SH3D21: variants seen among roughly 807,000 people sequenced by gnomAD.
SH3D21 encodes the protein manchette microtubule inner protein 1.
A neutral mutation model predicts 82.1 loss-of-function variants in SH3D21; 83 were observed. That is an observed-to-expected ratio of 1.01 (90% CI 0.85 to 1.21). SH3D21 has a LOEUF of 1.21. Ranked by LOEUF, SH3D21 falls within the 50% of genes most tolerant of loss-of-function variation. SH3D21 has a pLI of 0.00. For missense variants in SH3D21, 980 were observed against 962.1 expected (o/e 1.02, Z -0.25); for synonymous variants, 383 against 387.8 (o/e 0.99, Z 0.15).
Position 36,320,535 on chromosome 1 carries a change from C to G in SH3D21, c.1872C>G (p.Ser624=), listed in dbSNP as rs758678547. The G allele has an allele frequency of 6.2e-7, 1 of 1,614,112 alleles. No homozygotes were observed. The highest frequency in any genetic ancestry group is 1.3e-5 in the African/African-American group (1 of 75,022). Residue 624 remains serine, a synonymous_variant, in exon 14 of 16, where the codon TCC becomes TCG. Transcript: ENST00000453908. ...TGCTCCCCAAAGAGGGAGTGGCTTCCAAAGAGGAGGTGACCCTGAAAGAGG... is the reference window on the plus strand; with the variant it reads ...TGCTCCCCAAAGAGGGAGTGGCTTCGAAAGAGGAGGTGACCCTGAAAGAGG... ...EEVLPKEGVA[S]KEEVTLKEEL...
Position 36,307,890 on chromosome 1 carries a change from A to G in SH3D21, c.493-28A>G, listed in dbSNP as rs1353253549. Reference sequence around the variant, plus strand: ...TCTTGGGGTGGTTGGAGGCTCATCTAGTTCCTCCCTGCCCCTTCCCCCACT... The same window carrying G: ...TCTTGGGGTGGTTGGAGGCTCATCTGGTTCCTCCCTGCCCCTTCCCCCACT... On this transcript the variant is annotated intron_variant, in intron 6 of 15. Coordinates refer to ENST00000453908, the MANE Select transcript of SH3D21 (RefSeq NM_001162530.2). This position sits in a 1 kb window ranked among gnomAD's most constrained non-coding sequence, Gnocchi z 5.4. 1.3e-6 allele frequency: 2 copies of G among 1,551,600 alleles called. No individual in the cohort carries two copies. The highest frequency in any genetic ancestry group is 1.2e-5 in the South Asian group (1 of 84,054).
intron 10 of SH3D21, among the ~76,000 whole-genome samples, chr1:36,313,481 CAG>C (rs1349214938): frequency 2.6e-5 from 4 of 151,912 alleles, no homozygotes; most frequent in Admixed American, 6.6e-5. Context: ...AAAGAAAAGT[CAG>C]GGTAAAATTC....
At chr1:36,323,560 G>C (rs2124707481), downstream of SH3D21, 1 of 152,240 alleles carries the variant, frequency 6.6e-6, no homozygotes, top group East Asian at 1.9e-4. Flanking sequence ...CGCCCCTCCG[G>C]CCCCGCTGGG....
intron 9 of SH3D21, 39 bp downstream of exon 9, chr1:36,308,514 G>T (rs1271568242): frequency 5.2e-6 from 8 of 1,532,780 alleles, no homozygotes; most frequent in South Asian, 4.8e-5. Flanking sequence ...GCAGGGGCAG[G>T]CTATTTTGGA....
At chr1:36,322,812 G>T (rs1283282034), downstream of SH3D21, 9 of 1,490,996 alleles carry the variant, frequency 6.0e-6, no homozygotes, top group Admixed American at 5.9e-5. Flanking sequence ...CTAGGTGTGG[G>T]GGCGAGGCCT....
chr1:36,322,577 G>A (rs749064456), downstream of SH3D21: 470 of 1,582,084 alleles, frequency 3.0e-4, 1 homozygote, highest in Non-Finnish European at 3.1e-4. Context: ...CGGGCTCCAG[G>A]GTGCTGCTGC....
At chr1:36,309,858 A>G (rs1280150082) in intron 10 of SH3D21, among the ~76,000 whole-genome samples, 1 of 152,226 alleles carries the variant, frequency 6.6e-6, no homozygotes, top group African/African-American at 2.4e-5. Context: ...GAAACATATG[A>G]ATATGTCTGT....
chr1:36,322,700 G>A (rs752170638), downstream of SH3D21: 31 of 1,547,262 alleles, frequency 2.0e-5, no homozygotes, highest in African/African-American at 3.7e-4. Flanking sequence ...CCAGCACGAA[G>A]TAGAGGCCGA....
chr1:36,309,468 G>A, intron 9 of SH3D21, 80 bp from the exon 10 acceptor site: 1 of 1,503,944 alleles, frequency 6.6e-7, no homozygotes, highest in Non-Finnish European at 9.0e-7. Context: ...TTATAGGTGT[G>A]AGCCACCACG....
At chr1:36,329,939 C>A (rs1281432541), downstream of SH3D21, among the ~76,000 whole-genome samples, 1 of 152,090 alleles carries the variant, frequency 6.6e-6, no homozygotes, top group Non-Finnish European at 1.5e-5. Context: ...CGCACAGCTC[C>A]CCCAGGGCTA....
Position 36,319,316 on chromosome 1 carries a change from A to T in SH3D21, c.916+4A>T, listed in dbSNP as rs1476716968. 6.4e-7 allele frequency: 1 copy of T among 1,551,568 alleles called. No homozygotes were observed. The highest frequency in any genetic ancestry group is 8.7e-7 in the Non-Finnish European group (1 of 1,146,938). On this transcript the variant is annotated splice_donor_region_variant and intron_variant, in intron 12 of 15. Transcript: ENST00000453908. ...AAGCTCACCTCCCGAGACTCAGGCAAGGGCTGCCTTCCTCCAGTGCGGGGA... is the reference window on the plus strand; with the variant it reads ...AAGCTCACCTCCCGAGACTCAGGCATGGGCTGCCTTCCTCCAGTGCGGGGA...
chr1:36,313,950 C>CT (rs1189438627), intron 10 of SH3D21, among the ~76,000 whole-genome samples: 5 of 137,454 alleles, frequency 3.6e-5, no homozygotes, highest in Admixed American at 1.5e-4. Context: ...TCTCTGATGG[C>CT]TAATGATGCT....
chr1:36,323,434 C>T (rs984498990), downstream of SH3D21: 51 of 160,930 alleles, frequency 3.2e-4, no homozygotes, highest in Non-Finnish European at 6.5e-4. Flanking sequence ...CGGGGACCCA[C>T]CGGCCCGGGG....
chr1:36,324,469 C>G (rs969989191), downstream of SH3D21: 1 of 152,314 alleles, frequency 6.6e-6, no homozygotes, highest in African/African-American at 2.4e-5. Flanking sequence ...CGGGGCCCCC[C>G]CATCATGGAC....
chr1:36,325,979 G>A (rs996383555), downstream of SH3D21, among the ~76,000 whole-genome samples: 21 of 152,208 alleles, frequency 1.4e-4, no homozygotes, highest in Non-Finnish European at 2.5e-4. Flanking sequence ...GGCATGACAG[G>A]ATAGGGTAAT....
At chr1:36,321,371 T>C, downstream of SH3D21, 37 of 1,391,150 alleles carry the variant, frequency 2.7e-5, no homozygotes, top group Non-Finnish European at 3.4e-5. The surrounding 1 kb of genome is among the most constrained non-coding windows in gnomAD (Gnocchi z 6.1). Context: ...GCGGCTATTT[T>C]TATCCACCGG....
At position 36,306,877 on chromosome 1, in the gene SH3D21, G is replaced by A. The variant is rs1018183454; in HGVS notation, c.198G>A (p.Ala66=). The change falls in exon 3 of 16, where the codon GCG becomes GCA. Residue 66 remains alanine (A), a synonymous_variant. Coordinates refer to ENST00000453908, the MANE Select transcript of SH3D21 (RefSeq NM_001162530.2). The surrounding 1 kb of genome is among the most constrained non-coding windows in gnomAD (Gnocchi z 4.5). ...IPETLRGSGE[A]RRPRCARRRG... is the part of the protein sequence containing the mutation. ...AGACCCTGCGGGGCTCCGGAGAGGC[G>A]CGGAGGCCGCGCTGTGCGCGCCGCC... 3.2e-5 allele frequency: 42 copies of A among 1,301,656 alleles called. No homozygotes were observed. The highest frequency in any genetic ancestry group is 5.6e-5 in the East Asian group (1 of 17,832). 80.6% of individuals were successfully genotyped at this position (1,301,656 alleles called of 1,614,324 possible). A position where few individuals can be genotyped will look rare whatever the true frequency, so the allele number is the denominator to read the frequency against.
At chr1:36,316,570 A>C (rs1277301172) in intron 10 of SH3D21, among the ~76,000 whole-genome samples, 5 of 151,720 alleles carry the variant, frequency 3.3e-5, no homozygotes, top group Admixed American at 2.0e-4. Flanking sequence ...TAGCCAGAGA[A>C]CACCACCCAC....
At chr1:36,323,654 G>T (rs1316811212), downstream of SH3D21, 1 of 152,050 alleles carries the variant, frequency 6.6e-6, no homozygotes, top group African/African-American at 2.4e-5. Flanking sequence ...AGGAGGGACG[G>T]GGCGGGGCGG....
Sources: gnomAD v4.1 joint callset for allele counts (sites outside exome capture counted in the v4.1 genomes callset) on GRCh38, gnomAD v4.1.1 for gene constraint, Gnocchi (gnomAD v3.1) non-coding constraint, MANE v1.5 for transcripts, NCBI Gene and HGNC (gene_info 2026-07-23, HGNC 2026-07-21) for gene names.